Variants in FAHD2B observed in about 807,000 individuals in gnomAD.
FAHD2B encodes oxaloacetate tautomerase FAHD2B, mitochondrial.
A neutral mutation model predicts 33.7 loss-of-function variants in FAHD2B; 26 were observed. The ratio of observed to expected loss-of-function variants is 0.77; its 90% CI spans 0.57 to 1.07. FAHD2B has a LOEUF of 1.07. FAHD2B is among the 50% of genes least tolerant of loss of function. FAHD2B has a pLI of 0.00. For synonymous variants in FAHD2B, 108 were observed against 150.9 expected, an observed-to-expected ratio of 0.72 and a Z score of 2.08; for missense variants, 272 against 388.1, an observed-to-expected ratio of 0.70 and a Z score of 2.51.
At chr2:97,088,903 C>T (rs1411154264) in intron 4 of FAHD2B, among the ~76,000 whole-genome samples, 1 of 147,684 alleles carries the variant, frequency 6.8e-6, no homozygotes, top group Admixed American at 6.8e-5. Flanking sequence ...CAACCCCTGC[C>T]AAAAAAAAAA....
intron 4 of FAHD2B, 24 bp from the exon 5 acceptor site, chr2:97,086,222 G>A (rs755513560): frequency 9.3e-6 from 15 of 1,609,230 alleles, no homozygotes; most frequent in Admixed American, 3.4e-5. Context: ...GAGGAATAGT[G>A]AGCCGCAGTG....
chr2:97,090,397 C>T (rs1441899176), intron 3 of FAHD2B, 72 bp from the exon 4 acceptor site: 1 of 1,471,492 alleles, frequency 6.8e-7, no homozygotes, highest in Non-Finnish European at 9.0e-7. Flanking sequence ...CTGGGCAGAT[C>T]CTGCAGCAGC....
downstream of FAHD2B, among the ~76,000 whole-genome samples, chr2:97,080,174 T>C (rs2031593292): frequency 6.6e-6 from 1 of 152,166 alleles, no homozygotes; most frequent in South Asian, 2.1e-4. Context: ...CCCATGTCTA[T>C]GTTCCGAATG....
downstream of FAHD2B, chr2:97,083,391 C>T: frequency 6.8e-7 from 1 of 1,467,114 alleles, no homozygotes; most frequent in Non-Finnish European, 9.0e-7. Flanking sequence ...TTGATTGTCC[C>T]TTGCCATCTC....
chr2:97,080,130 G>A (rs567568252), downstream of FAHD2B, among the ~76,000 whole-genome samples: 7 of 152,142 alleles, frequency 4.6e-5, no homozygotes, highest in African/African-American at 1.2e-4. Context: ...CTTTTGTTGC[G>A]ATTGCTTTTG....
chr2:97,084,784 G>C (rs1269064257), intron 6 of FAHD2B, among the ~76,000 whole-genome samples: 1 of 151,786 alleles, frequency 6.6e-6, no homozygotes, highest in Non-Finnish European at 1.5e-5. Context: ...GTGGTGGTGC[G>C]TGCCTGTAGT....
rs1559138885 is a variant in FAHD2B, at chr2:97,090,146, C to T, written c.425G>A (p.Gly142Glu). The change falls in exon 4 of 9, where the codon GGG becomes GAG. Residue 142 changes from glycine to glutamate, a missense_variant. Coordinates refer to ENST00000414820, the MANE Select transcript of FAHD2B (RefSeq NM_001320848.2). ...TGGGAGGACCACCTCATCATAGGGC[C>T]CCACGATGGAGCTGGCAAACTTGCT... ...IFSKFASSIVGPYDEVVLPPQ... is the reference protein window; with the variant it reads ...IFSKFASSIVEPYDEVVLPPQ... 1.2e-6 allele frequency: 2 copies of T among 1,608,690 alleles called. No homozygotes were observed. The highest frequency in any genetic ancestry group is 1.7e-6 in the Non-Finnish European group (2 of 1,178,134).
At chr2:97,092,588 G>A (rs1255843783) in intron 1 of FAHD2B, among the ~76,000 whole-genome samples, 1 of 152,104 alleles carries the variant, frequency 6.6e-6, no homozygotes, top group African/African-American at 2.4e-5. Flanking sequence ...ACAGAAGCAG[G>A]GGCTTGACAT....
chr2:97,088,791 C>G (rs2032157211), intron 4 of FAHD2B, among the ~76,000 whole-genome samples: 1 of 152,012 alleles, frequency 6.6e-6, no homozygotes, highest in African/African-American at 2.4e-5. Flanking sequence ...AAATATCATT[C>G]AAGTTAATTT....
downstream of FAHD2B, chr2:97,082,026 G>T: frequency 6.3e-7 from 1 of 1,575,568 alleles, no homozygotes; most frequent in South Asian, 1.1e-5. Flanking sequence ...AACGGCGACT[G>T]AGCAGAAAGC....
chr2:97,081,402 C>T, downstream of FAHD2B: 1 of 1,548,390 alleles, frequency 6.5e-7, no homozygotes, highest in East Asian at 2.4e-5. Flanking sequence ...ATGTGCCTGG[C>T]TCTCCTGAGG....
chr2:97,081,672 C>T (rs1000587371), downstream of FAHD2B, among the ~76,000 whole-genome samples: 1 of 148,812 alleles, frequency 6.7e-6, no homozygotes, highest in Admixed American at 6.6e-5. Context: ...TAGCTCGCAC[C>T]TCTGCTCCCT....
intron 3 of FAHD2B, among the ~76,000 whole-genome samples, chr2:97,090,791 T>C (rs1003940064): frequency 7.9e-5 from 12 of 151,268 alleles, no homozygotes; most frequent in African/African-American, 2.9e-4. Flanking sequence ...TGCATATTAC[T>C]GCTCTATAGA....
chr2:97,081,273 T>C (rs1267210449), downstream of FAHD2B: 28 of 1,467,680 alleles, frequency 1.9e-5, no homozygotes, highest in South Asian at 3.2e-4. Flanking sequence ...TACGGCCCAC[T>C]TGGTCCTAGG....
chr2:97,091,567 C>T lies in FAHD2B; in HGVS notation c.140G>A (p.Gly47Glu). The T allele has an allele frequency of 6.2e-7, 1 of 1,613,872 alleles. No individual in the cohort carries two copies. Among genetic ancestry groups the T allele is most frequent in the Non-Finnish European group, 8.5e-7 (1 of 1,180,026 alleles). The change falls in exon 3 of 9, where the codon GGG becomes GAG. Residue 47 changes from glycine to glutamate, a missense_variant. Transcript: ENST00000414820. Reference sequence around the variant, plus strand: ...GAGGTTGATAACCCCTCCACCATTCCCTGTCTCCAGGCCCAAGTGAGGCCC... The same window carrying T: ...GAGGTTGATAACCCCTCCACCATTCTCTGTCTCCAGGCCCAAGTGAGGCCC... The part of the protein sequence containing the change: ...LVGPHLGLET[G>E]NGGGVINLNA...
At chr2:97,079,708 A>T (rs1358479850), downstream of FAHD2B, among the ~76,000 whole-genome samples, 9 of 148,370 alleles carry the variant, frequency 6.1e-5, no homozygotes, top group African/African-American at 2.2e-4. Context: ...TCTTTTGCCC[A>T]GGCTGGAGTG....
chr2:97,090,409 A>T (rs1459325618), intron 3 of FAHD2B, 84 bp from the exon 4 acceptor site: 11 of 1,471,844 alleles, frequency 7.5e-6, no homozygotes, highest in Non-Finnish European at 9.9e-6. Flanking sequence ...TGCAGCAGCT[A>T]CAGGTTTTGC....
In FAHD2B at chr2:97,086,459, G is replaced by A. The variant is rs1322231138; in HGVS notation, c.463-261C>T. On this transcript the variant is annotated intron_variant, in intron 4 of 8. Transcript: ENST00000414820. Reference sequence around the variant, plus strand: ...CTGCAGAAGAGCAACACGTGTCCAGGGCACTGAGTTTAAAAGTCACTCTGG... The same window carrying A: ...CTGCAGAAGAGCAACACGTGTCCAGAGCACTGAGTTTAAAAGTCACTCTGG... 5.9e-6 allele frequency: 3 copies of A among 507,954 alleles called. No homozygotes were observed. In the East Asian group the frequency reaches 1.0e-4, roughly 17 times the overall value. The allele number at this position is 507,954 out of a possible 1,614,324, so 31.5% of individuals were successfully genotyped here.
chr2:97,084,435 T>C (rs2031825800), intron 6 of FAHD2B, among the ~76,000 whole-genome samples, 158 bp from the exon 7 acceptor site: 1 of 152,002 alleles, frequency 6.6e-6, no homozygotes, highest in Non-Finnish European at 1.5e-5. Context: ...ACTTTCTGTA[T>C]AGACACTGGC....
Sources: gnomAD v4.1 joint callset for allele counts (sites outside exome capture counted in the v4.1 genomes callset) on GRCh38, gnomAD v4.1.1 for gene constraint, MANE v1.5 for transcripts, NCBI Gene and HGNC (gene_info 2026-07-23, HGNC 2026-07-21) for gene names.